The following MBD5 variants were observed in gnomAD, a reference collection of about 807,000 sequenced individuals.
MBD5 encodes methyl-CpG-binding domain protein 5.
MBD5 carries 13 observed loss-of-function variants against 117.3 expected under a neutral mutation model. That is an observed-to-expected ratio of 0.11 (90% confidence interval 0.07 to 0.18). The LOEUF (loss-of-function observed/expected upper bound fraction) is 0.18. Among genes scored for constraint, MBD5 ranks in the 10% least tolerant of loss-of-function variants. The pLI, the probability that MBD5 is intolerant of heterozygous loss-of-function variation, is 1.00. For missense variants in MBD5, 1,879 were observed against 2,093.8 expected (o/e 0.90, Z 2.00); for synonymous variants, 727 against 766.4 (o/e 0.95, Z 0.85).
intron 1 of MBD5, among the ~76,000 whole-genome samples, chr2:148,047,852 TAA>T (rs1314914995): frequency 1.3e-5 from 2 of 152,174 alleles, no homozygotes. Flanking sequence ...CTTCCTAGAC[TAA>T]GAGAACAGCA....
chr2:148,405,789 A>G (rs1462970150), intron 4 of MBD5, among the ~76,000 whole-genome samples: 3 of 152,092 alleles, frequency 2.0e-5, no homozygotes, highest in Non-Finnish European at 4.4e-5. Context: ...AAAAAAGTAA[A>G]TTAATAACTT....
chr2:148,151,169 C>G (rs542838862), intron 1 of MBD5, among the ~76,000 whole-genome samples: 1 of 151,490 alleles, frequency 6.6e-6, no homozygotes, highest in Non-Finnish European at 1.5e-5. Flanking sequence ...TGAATTTTGT[C>G]AAAGGCTTTT....
intron 3 of MBD5, among the ~76,000 whole-genome samples, chr2:148,310,389 A>G (rs1228028857): frequency 6.6e-6 from 1 of 152,204 alleles, no homozygotes; most frequent in Non-Finnish European, 1.5e-5. Flanking sequence ...GTATGTGTCC[A>G]GGAATTTATC....
At chr2:148,284,599 T>C (rs1174444928) in intron 3 of MBD5, among the ~76,000 whole-genome samples, 1 of 152,124 alleles carries the variant, frequency 6.6e-6, no homozygotes, top group Non-Finnish European at 1.5e-5. Context: ...CCTATCTCAA[T>C]GGAGTAATTT....
Position 148,516,651 on chromosome 2 carries a change from C to T in MBD5, c.*3710C>T, listed in dbSNP as rs978032183. ...GTGAGCCAAAAAGCAATAAACAACT[C>T]GAGCATGGGAAATCCTGCTAACAGT... On this transcript the variant is annotated 3_prime_UTR_variant, in exon 14 of 14. Transcript: ENST00000642680. 3 of 152,086 alleles carry T rather than the reference C, an allele frequency of 2.0e-5. No individual in the cohort carries two copies. The highest frequency in any genetic ancestry group is 4.8e-5 in the African/African-American group (2 of 41,424). The allele number at this position is 152,086 out of a possible 1,614,324, so 9.4% of individuals were successfully genotyped here. A position where few individuals can be genotyped will look rare whatever the true frequency, so the allele number is the denominator to read the frequency against.
At chr2:148,414,677 G>A (rs2105211706) in intron 4 of MBD5, among the ~76,000 whole-genome samples, 1 of 152,122 alleles carries the variant, frequency 6.6e-6, no homozygotes, top group Non-Finnish European at 1.5e-5. Context: ...AGGATAATTT[G>A]GTCTTCTTGT....
intron 4 of MBD5, among the ~76,000 whole-genome samples, chr2:148,377,030 G>GAT (rs56284878): frequency 0.021 from 3,153 of 149,690 alleles, 44 homozygotes; most frequent in Non-Finnish European, 0.037. Flanking sequence ...TATGTATACA[G>GAT]ATATATATAT....
chr2:148,262,972 T>G (rs1382333505), intron 3 of MBD5, among the ~76,000 whole-genome samples: 1 of 152,178 alleles, frequency 6.6e-6, no homozygotes, highest in Non-Finnish European at 1.5e-5. Context: ...TTTAGCAAAT[T>G]GAACAATCAA....
intron 4 of MBD5, among the ~76,000 whole-genome samples, chr2:148,430,871 C>G (rs1705963575): frequency 6.6e-6 from 1 of 152,096 alleles, no homozygotes; most frequent in African/African-American, 2.4e-5. Flanking sequence ...TTACCCAACA[C>G]AATCTGAACC....
At chr2:148,137,182 T>A (rs1697191081) in intron 1 of MBD5, among the ~76,000 whole-genome samples, 1 of 152,166 alleles carries the variant, frequency 6.6e-6, no homozygotes. Flanking sequence ...AACAGGTCTG[T>A]TCCCCCTGAT....
chr2:148,139,574 G>GA (rs1461420499), intron 1 of MBD5, among the ~76,000 whole-genome samples: 2 of 151,922 alleles, frequency 1.3e-5, no homozygotes, highest in Non-Finnish European at 2.9e-5. Context: ...ATGCAAAAAC[G>GA]AAAAAAGCAG....
chr2:148,432,001 G>A (rs1485737220), intron 4 of MBD5, among the ~76,000 whole-genome samples: 2 of 150,372 alleles, frequency 1.3e-5, no homozygotes, highest in Non-Finnish European at 3.0e-5. Flanking sequence ...ACTCCCGTTA[G>A]CACTCACTTT....
intron 3 of MBD5, among the ~76,000 whole-genome samples, chr2:148,275,971 T>A (rs1007238050): frequency 7.2e-5 from 11 of 152,186 alleles, no homozygotes; most frequent in Admixed American, 6.6e-5. Flanking sequence ...TTGAAAAATG[T>A]TTTAATTTGA....
rs752535474 is a variant in MBD5 at position 148,483,223 on chromosome 2, C to A, written c.2632C>A (p.Pro878Thr). The A allele has an allele frequency of 6.8e-6, 11 of 1,613,862 alleles. No homozygotes were observed. Among genetic ancestry groups the A allele is most frequent in the African/African-American group, 1.3e-5 (1 of 74,868 alleles). Residue 878 changes from proline (P) to threonine (T), a missense_variant, in exon 9 of 14, where the codon CCA becomes ACA. Physicochemically the swap from Pro to Thr is conservative, Grantham distance 38. Around this residue, in one of 4 missense-constraint regions of MBD5, gnomAD observed 1,666 missense variants for 1,792.2 expected, o/e 0.93. Coordinates refer to ENST00000642680, the MANE Select transcript of MBD5 (RefSeq NM_001378120.1). The part of the protein sequence containing the change: ...GVIVTTAAGN[P>T]LQSQLPIGSD... The stretch of plus-strand genomic sequence containing the variant: ...CATAGTCACCACTGCAGCTGGAAAC[C>A]CACTGCAGAGTCAGCTACCCATTGG...
chr2:148,114,947 C>G (rs1413974722), intron 1 of MBD5, among the ~76,000 whole-genome samples: 1 of 151,860 alleles, frequency 6.6e-6, no homozygotes, highest in Non-Finnish European at 1.5e-5. Context: ...AACAGTACTC[C>G]TTATAGATAA....
intron 12 of MBD5, chr2:148,502,965 G>A (rs1681918255): frequency 5.6e-6 from 1 of 177,404 alleles, no homozygotes; most frequent in Non-Finnish European, 1.2e-5. Context: ...GTTGCATCAG[G>A]GATGTGGACT....
chr2:148,457,862 C>T (rs1242574831), intron 4 of MBD5, among the ~76,000 whole-genome samples: 1 of 152,006 alleles, frequency 6.6e-6, no homozygotes, highest in Non-Finnish European at 1.5e-5. Context: ...GTGTAGTTTA[C>T]GGTCATTAAG....
At chr2:148,209,168 C>T (rs1248607538) in intron 2 of MBD5, among the ~76,000 whole-genome samples, 1 of 152,096 alleles carries the variant, frequency 6.6e-6, no homozygotes, top group Non-Finnish European at 1.5e-5. Flanking sequence ...TACATATGAT[C>T]ATTTTATTAT....
chr2:148,399,380 G>A (rs1347589386), intron 4 of MBD5, among the ~76,000 whole-genome samples: 2 of 151,804 alleles, frequency 1.3e-5, no homozygotes, highest in Non-Finnish European at 2.9e-5. Context: ...TCCCTTGTAA[G>A]TTGGATTCCT....
Sources: gnomAD v4.1 joint callset for allele counts (sites outside exome capture counted in the v4.1 genomes callset) on GRCh38, gnomAD v4.1.1 for gene constraint, gnomAD v4.1.1 regional missense constraint, MANE v1.5 for transcripts, NCBI Gene and HGNC (gene_info 2026-07-23, HGNC 2026-07-21) for gene names.